Variants in RUNX1 observed in about 807,000 individuals in gnomAD.
The protein encoded by RUNX1 is RUNX family transcription factor 1.
A neutral mutation model predicts 42.8 loss-of-function variants in RUNX1; 19 were observed. That is an observed-to-expected ratio of 0.44 (90% CI 0.31 to 0.65). The LOEUF is 0.65. Ranked by LOEUF, RUNX1 falls within the 30% of genes least tolerant of loss-of-function variation. The pLI is 0.07. For synonymous variants in RUNX1, 271 were observed against 289.4 expected (o/e 0.94, Z 0.64); for missense variants, 528 against 672.0 (o/e 0.79, Z 2.37).
chr21:35,001,545 C>T (rs1172698223), intron 2 of RUNX1, among the ~76,000 whole-genome samples: 3 of 151,934 alleles, frequency 2.0e-5, no homozygotes, highest in Admixed American at 6.6e-5. Flanking sequence ...AACATAATAC[C>T]GAATGATAAA....
Position 34,920,591 on chromosome 21 carries a change from C to A in RUNX1, c.59-27628G>T, listed in dbSNP as rs185852724. On this transcript the variant is annotated intron_variant, in intron 2 of 8. Coordinates refer to ENST00000675419, the MANE Select transcript of RUNX1 (RefSeq NM_001754.5). Reference sequence around the variant, plus strand: ...ATGACTGTCTGGAGAAGGTCTTAAACTTTTAGATTGTTAAGGAACTTTTCA... The same window carrying A: ...ATGACTGTCTGGAGAAGGTCTTAAAATTTTAGATTGTTAAGGAACTTTTCA... 3.3e-5 allele frequency among the ~76,000 whole-genome samples: 5 copies of A among 152,264 alleles called. No individual in the cohort carries two copies. In the East Asian group the frequency reaches 9.7e-4, roughly 29 times the overall value.
chr21:34,832,775 CATTTTA>C (rs2057081836), intron 7 of RUNX1, among the ~76,000 whole-genome samples: 1 of 152,118 alleles, frequency 6.6e-6, no homozygotes. Context: ...TCAATGTACA[CATTTTA>C]AATCATTATT....
At chr21:34,841,353 C>G (rs2057231999) in intron 6 of RUNX1, among the ~76,000 whole-genome samples, 1 of 152,134 alleles carries the variant, frequency 6.6e-6, no homozygotes, top group African/African-American at 2.4e-5. Flanking sequence ...AGAGAATCAC[C>G]AGCAGGAATA....
At chr21:34,969,641 C>T (rs998898639) in intron 2 of RUNX1, among the ~76,000 whole-genome samples, 1 of 151,842 alleles carries the variant, frequency 6.6e-6, no homozygotes, top group African/African-American at 2.4e-5. Flanking sequence ...ATGCCAGGAA[C>T]ACGGACCCAT....
At chr21:34,968,707 G>A (rs2058738902) in intron 2 of RUNX1, among the ~76,000 whole-genome samples, 1 of 152,010 alleles carries the variant, frequency 6.6e-6, no homozygotes, top group Non-Finnish European at 1.5e-5. Context: ...TCTGCTTGAG[G>A]GTATCCATGC....
intron 4 of RUNX1, among the ~76,000 whole-genome samples, chr21:34,883,921 G>A (rs560110426): frequency 6.6e-6 from 1 of 152,218 alleles, no homozygotes; most frequent in Non-Finnish European, 1.5e-5. Context: ...TAGGGACTGT[G>A]ATCTTGCCGA....
chr21:34,968,168 T>C lies in RUNX1; in HGVS notation c.59-75205A>G, dbSNP rs572820391. On this transcript the variant is annotated intron_variant, in intron 2 of 8. Transcript: ENST00000675419. ...GTCCATCTGTGTGTCTATGTCTGAG[T>C]GGGCGAGTTGCTTCTCAGCTCTCCG... 1.3e-3 allele frequency among the ~76,000 whole-genome samples: 191 copies of C among 152,292 alleles called. 6 individuals are homozygous for C. In the South Asian group the frequency reaches 0.037, roughly 30 times the overall value.
intron 6 of RUNX1, among the ~76,000 whole-genome samples, chr21:34,849,301 TATA>T (rs2057365290): frequency 2.7e-5 from 1 of 37,018 alleles, no homozygotes; most frequent in African/African-American, 9.7e-5. Context: ...ATATAAAATA[TATA>T]ATATATATTA....
At chr21:34,850,416 G>C (rs2409536) in intron 6 of RUNX1, among the ~76,000 whole-genome samples, 52,400 of 152,056 alleles carry the variant, frequency 0.34, 9,272 homozygotes, top group East Asian at 0.51. Context: ...TTGGCTGCGG[G>C]GAGAGATCCC....
intron 2 of RUNX1, among the ~76,000 whole-genome samples, chr21:34,985,337 C>T (rs1362858840): frequency 6.6e-6 from 1 of 152,202 alleles, no homozygotes; most frequent in African/African-American, 2.4e-5. Context: ...CGGGGCAGAA[C>T]TAGGTTTGTC....
At chr21:34,850,311 C>A (rs190365046) in intron 6 of RUNX1, among the ~76,000 whole-genome samples, 1 of 152,178 alleles carries the variant, frequency 6.6e-6, no homozygotes, top group East Asian at 1.9e-4. Context: ...AGGCAGCAGG[C>A]GGAGCTGCCT....
intron 7 of RUNX1, among the ~76,000 whole-genome samples, chr21:34,815,633 CAG>C (rs1223521058): frequency 3.9e-5 from 6 of 152,256 alleles, no homozygotes; most frequent in East Asian, 1.9e-4. Flanking sequence ...GGAGGCCACA[CAG>C]GGGCACATCT....
At chr21:34,837,778 G>A (rs2146094769) in intron 6 of RUNX1, among the ~76,000 whole-genome samples, 1 of 152,314 alleles carries the variant, frequency 6.6e-6, no homozygotes, top group South Asian at 2.1e-4. Flanking sequence ...TCTTCAGCAT[G>A]TTTGGAATCA....
intron 2 of RUNX1, among the ~76,000 whole-genome samples, chr21:35,012,169 G>A (rs937294358): frequency 2.0e-5 from 3 of 152,136 alleles, no homozygotes; most frequent in Admixed American, 6.5e-5. Flanking sequence ...AAAATCGGCT[G>A]GCATGTGCAT....
intron 2 of RUNX1, among the ~76,000 whole-genome samples, chr21:34,895,025 A>AT (rs1426222119): frequency 6.6e-6 from 1 of 152,108 alleles, no homozygotes; most frequent in Non-Finnish European, 1.5e-5. Flanking sequence ...GTTCTAAAAA[A>AT]TTAACTCTGA....
chr21:35,003,605 C>A (rs1404858862), intron 2 of RUNX1, among the ~76,000 whole-genome samples: 1 of 152,064 alleles, frequency 6.6e-6, no homozygotes, highest in Non-Finnish European at 1.5e-5. Context: ...CATCACTGAC[C>A]TCATGAAGCC....
Position 34,834,620 on chromosome 21 carries a change from AGGGGAGGGGATGGGG to A in RUNX1, c.614-34_614-20del. On this transcript the variant is annotated intron_variant, in intron 6 of 8. Coordinates refer to ENST00000675419, the MANE Select transcript of RUNX1 (RefSeq NM_001754.5). ...CGATGTCCTATTGTGGGGAGCAGGG[AGGGGAGGGGATGGGG>A]GGAGGGAAGGAGGGAGGGAAGAGAT... 2.4e-6 allele frequency: 2 copies of A among 843,602 alleles called. No individual in the cohort carries two copies. The highest frequency in any genetic ancestry group is 1.3e-5 in the South Asian group (1 of 75,598). 52.3% of individuals were successfully genotyped at this position (843,602 alleles called of 1,614,324 possible).
chr21:34,961,468 T>C lies in RUNX1; in HGVS notation c.59-68505A>G, dbSNP rs192574990. On this transcript the variant is annotated intron_variant, in intron 2 of 8. Coordinates refer to ENST00000675419, the MANE Select transcript of RUNX1 (RefSeq NM_001754.5). ...CACTACATGAGAGAGTGACAAATTG[T>C]GATATCTGAAGAAAAGTCTGGGTAA... 4.4e-3 allele frequency among the ~76,000 whole-genome samples: 674 copies of C among 152,336 alleles called. 2 individuals carry two copies. Among genetic ancestry groups the C allele is most frequent in the Non-Finnish European group, 6.8e-3 (465 of 68,030 alleles).
chr21:34,883,323 G>T (rs1200089459), intron 4 of RUNX1, among the ~76,000 whole-genome samples: 1 of 152,064 alleles, frequency 6.6e-6, no homozygotes, highest in Admixed American at 6.6e-5. Flanking sequence ...TGATCTCTGA[G>T]GGTTTTTTTT....
Sources: gnomAD v4.1 joint callset for allele counts (sites outside exome capture counted in the v4.1 genomes callset) on GRCh38, gnomAD v4.1.1 for gene constraint, MANE v1.5 for transcripts, NCBI Gene and HGNC (gene_info 2026-07-23, HGNC 2026-07-21) for gene names.